Variants in EDIL3 observed in about 807,000 individuals in gnomAD.
EDIL3 encodes the protein EGF like and discoidin domains 3.
A neutral mutation model predicts 67.4 loss-of-function variants in EDIL3; 37 were observed. That is an observed-to-expected ratio of 0.55 (90% CI 0.42 to 0.72). EDIL3 has a LOEUF of 0.72. Among genes scored for constraint, EDIL3 ranks in the 30% least tolerant of loss-of-function variants. The pLI, the probability that EDIL3 is intolerant of heterozygous loss-of-function variation, is 0.00. For missense variants in EDIL3, 527 were observed against 586.3 expected, an observed-to-expected ratio of 0.90 and a Z score of 1.04; for synonymous variants, 195 against 196.3, an observed-to-expected ratio of 0.99 and a Z score of 0.05.
At chr5:84,239,872 TTTG>T (rs1373126800) in intron 2 of EDIL3, among the ~76,000 whole-genome samples, 1 of 152,206 alleles carries the variant, frequency 6.6e-6, no homozygotes, top group African/African-American at 2.4e-5. Context: ...AAACCAAACA[TTTG>T]TTCTAATGGA....
chr5:84,267,153 C>A (rs1223815879), intron 1 of EDIL3, among the ~76,000 whole-genome samples: 1 of 152,172 alleles, frequency 6.6e-6, no homozygotes, highest in Non-Finnish European at 1.5e-5. Context: ...CTTTAGTCTT[C>A]ACTTTCTCCC....
intron 1 of EDIL3, among the ~76,000 whole-genome samples, chr5:84,353,579 G>A (rs1747410076): frequency 1.3e-5 from 2 of 152,044 alleles, no homozygotes; most frequent in African/African-American, 4.8e-5. Flanking sequence ...GAATACTTAG[G>A]AAAATTAAAA....
At chr5:84,121,070 C>T (rs1318132052) in intron 5 of EDIL3, among the ~76,000 whole-genome samples, 3 of 151,830 alleles carry the variant, frequency 2.0e-5, no homozygotes, top group Non-Finnish European at 2.9e-5. Context: ...CTATTGTCTA[C>T]AGTATACGTT....
chr5:83,969,882 T>G (rs1392508654), intron 9 of EDIL3, among the ~76,000 whole-genome samples: 1 of 151,852 alleles, frequency 6.6e-6, no homozygotes, highest in East Asian at 1.9e-4. Flanking sequence ...TTTCAAACAT[T>G]TATTATTTCT....
intron 4 of EDIL3, among the ~76,000 whole-genome samples, chr5:84,148,948 T>C (rs547280560): frequency 2.7e-4 from 41 of 149,100 alleles, no homozygotes; most frequent in Non-Finnish European, 5.5e-4. Context: ...CAGACCCTCT[T>C]GTTTTAAAAA....
chr5:84,134,953 A>G (rs1748061758), intron 5 of EDIL3, among the ~76,000 whole-genome samples: 1 of 152,168 alleles, frequency 6.6e-6, no homozygotes, highest in African/African-American at 2.4e-5. Flanking sequence ...CAGAAAAGCA[A>G]AGGTTTTCAT....
chr5:84,199,844 G>A (rs938046820), intron 3 of EDIL3, among the ~76,000 whole-genome samples: 1 of 151,902 alleles, frequency 6.6e-6, no homozygotes, highest in Non-Finnish European at 1.5e-5. Context: ...CATCAGCAGT[G>A]GTATATGGAG....
At chr5:84,075,944 GTT>G (rs1491272888) in intron 6 of EDIL3, among the ~76,000 whole-genome samples, 6 of 124,682 alleles carry the variant, frequency 4.8e-5, no homozygotes, top group Non-Finnish European at 9.9e-5. Flanking sequence ...GCCATTGTGG[GTT>G]TTATATATAT....
rs1034914220 is a variant in EDIL3 at position 84,334,813 on chromosome 5, A to T, written c.67+49495T>A. Among the ~76,000 whole-genome samples the T allele has an allele frequency of 6.3e-4, 95 of 150,540 alleles. 1 individual carries two copies. The highest frequency in any genetic ancestry group is 1.0e-4 in the Non-Finnish European group (7 of 66,934). On this transcript the variant is annotated intron_variant, in intron 1 of 10. Coordinates refer to ENST00000296591, the MANE Select transcript of EDIL3 (RefSeq NM_005711.5). Reference sequence around the variant, plus strand: ...TATCTTTCAGTAAATACTATTTTTTAAAAAAACTTTCTAAATAAACATTGA... The same window carrying T: ...TATCTTTCAGTAAATACTATTTTTTTAAAAAACTTTCTAAATAAACATTGA...
rs114766213 is a variant in EDIL3 at position 84,353,181 on chromosome 5, G to A, written c.67+31127C>T. Among the ~76,000 whole-genome samples the A allele has an allele frequency of 2.4e-3, 364 of 152,128 alleles. 1 individual carries two copies. The highest frequency in any genetic ancestry group is 8.5e-3 in the African/African-American group (354 of 41,506). On this transcript the variant is annotated intron_variant, in intron 1 of 10. Transcript: ENST00000296591. The stretch of plus-strand genomic sequence containing the variant: ...TGTTAAATTATGGGTGCCAACCAAC[G>A]TGAATCATGTTAAATTATGGGCACC...
At chr5:84,292,724 CA>C (rs780271796) in intron 1 of EDIL3, among the ~76,000 whole-genome samples, 28 of 152,094 alleles carry the variant, frequency 1.8e-4, no homozygotes, top group Non-Finnish European at 3.5e-4. Flanking sequence ...ACCAGAAACT[CA>C]TGGGTATATT....
chr5:84,004,923 GA>G (rs1313483999), intron 9 of EDIL3, among the ~76,000 whole-genome samples: 6 of 151,828 alleles, frequency 4.0e-5, no homozygotes, highest in African/African-American at 1.5e-4. Context: ...TAATAAATAA[GA>G]TTGATAAAGT....
intron 1 of EDIL3, among the ~76,000 whole-genome samples, chr5:84,273,629 G>T (rs1745517757): frequency 6.6e-6 from 1 of 152,130 alleles, no homozygotes; most frequent in East Asian, 1.9e-4. Context: ...ACACAGCATT[G>T]CCACAGTGGC....
At chr5:84,382,751 T>C (rs188581084) in intron 1 of EDIL3, among the ~76,000 whole-genome samples, 7 of 152,148 alleles carry the variant, frequency 4.6e-5, no homozygotes, top group African/African-American at 1.7e-4. Flanking sequence ...ACTGGAACCA[T>C]TACCATTTCT....
chr5:84,201,592 A>G (rs1743838947), intron 3 of EDIL3, among the ~76,000 whole-genome samples: 1 of 150,616 alleles, frequency 6.6e-6, no homozygotes, highest in South Asian at 2.1e-4. Flanking sequence ...GTATTAGTAA[A>G]CTGATACTGG....
At chr5:84,371,991 G>C (rs932616465) in intron 1 of EDIL3, among the ~76,000 whole-genome samples, 3 of 151,962 alleles carry the variant, frequency 2.0e-5, no homozygotes, top group Admixed American at 2.0e-4. Context: ...GCCAGAGATG[G>C]GAAAAGAACT....
At chr5:84,205,064 C>A (rs1052711721) in intron 3 of EDIL3, among the ~76,000 whole-genome samples, 86 of 147,262 alleles carry the variant, frequency 5.8e-4, no homozygotes, top group African/African-American at 2.0e-3. Context: ...AGGCACATGC[C>A]ACCATGCCCT....
intron 3 of EDIL3, among the ~76,000 whole-genome samples, chr5:84,207,324 G>T (rs942687826): frequency 2.6e-5 from 4 of 152,036 alleles, no homozygotes; most frequent in African/African-American, 9.7e-5. Context: ...AAATACTTAG[G>T]AATCCAACTT....
intron 4 of EDIL3, among the ~76,000 whole-genome samples, chr5:84,177,170 A>C (rs906677906): frequency 2.6e-5 from 4 of 152,232 alleles, no homozygotes; most frequent in African/African-American, 9.6e-5. Context: ...ATAATTGCCC[A>C]AAACTAGAGG....
Sources: gnomAD v4.1 joint callset for allele counts (sites outside exome capture counted in the v4.1 genomes callset) on GRCh38, gnomAD v4.1.1 for gene constraint, MANE v1.5 for transcripts, NCBI Gene and HGNC (gene_info 2026-07-23, HGNC 2026-07-21) for gene names.